Variants in ZNF577 observed in about 807,000 individuals in gnomAD.
ZNF577 encodes zinc finger protein 577.
In ZNF577, 14 loss-of-function variants were observed where a neutral mutation model predicts 13.9. The observed-to-expected ratio is 1.00, with a 90% confidence interval of 0.66 to 1.57. The LOEUF (loss-of-function observed/expected upper bound fraction) is 1.57, where lower values mean the gene tolerates loss of function less well. Among genes scored for constraint, ZNF577 ranks in the 40% most tolerant of loss-of-function variants. The pLI is 0.00. For missense variants in ZNF577, 555 were observed against 579.2 expected (o/e 0.96, Z 0.43); for synonymous variants, 203 against 202.9 (o/e 1.00, Z 0.00).
chr19:51,875,052 T>A (rs917045998), intron 5 of ZNF577, among the ~76,000 whole-genome samples: 1 of 151,950 alleles, frequency 6.6e-6, no homozygotes, highest in African/African-American at 2.4e-5. Flanking sequence ...TAGTGCAGCA[T>A]AGACACAAAG....
At position 51,872,709 on chromosome 19, in the gene ZNF577, G is replaced by A; in HGVS notation, c.1281C>T (p.Asn427=). The A allele has an allele frequency of 6.2e-7, 1 of 1,614,166 alleles. No homozygotes were observed. The highest frequency in any genetic ancestry group is 2.2e-5 in the East Asian group (1 of 44,892). Residue 427 remains asparagine, a synonymous_variant, in exon 6 of 6, where the codon AAC becomes AAT. Coordinates refer to ENST00000638348, the MANE Select transcript of ZNF577 (RefSeq NM_001370449.1). ...MPSSGTPPLL[N]KSERLVGRNV... is the part of the protein sequence containing the mutation. ...TTCTGCCCACTAGGCGCTCACTCTT[G>A]TTTAACAATGGCGGGGTTCCTGAGG...
At chr19:51,826,595 C>T (rs10853846) in intron 9 of ZNF577, among the ~76,000 whole-genome samples, 59,751 of 152,070 alleles carry the variant, frequency 0.39, 11,916 homozygotes, top group South Asian at 0.54. Context: ...AGTGGGTTCT[C>T]CCTGCCTGCT....
chr19:51,826,362 G>A (rs528457662), intron 9 of ZNF577, among the ~76,000 whole-genome samples: 10 of 152,224 alleles, frequency 6.6e-5, no homozygotes, highest in South Asian at 2.1e-4. Context: ...TTCTATCCTC[G>A]GGTATTATAT....
chr19:51,872,750 G>A lies in ZNF577; in HGVS notation c.1240C>T (p.Pro414Ser). ...GTTCCTGAGGAAGGCATTTCTATAGGTACTGTGTTCACAGTCTTTTGCTCT... is the reference window on the plus strand; with the variant it reads ...GTTCCTGAGGAAGGCATTTCTATAGATACTGTGTTCACAGTCTTTTGCTCT... ...IQEQKTVNTVPIEMPSSGTPP... is the reference protein window; with the variant it reads ...IQEQKTVNTVSIEMPSSGTPP... The change falls in exon 6 of 6, where the codon CCT becomes TCT. Residue 414 changes from proline to serine, a missense_variant. Physicochemically the swap from Pro to Ser is moderately conservative, Grantham distance 74. Coordinates refer to ENST00000638348, the MANE Select transcript of ZNF577 (RefSeq NM_001370449.1). 1.2e-6 allele frequency: 2 copies of A among 1,614,160 alleles called. No homozygotes were observed. The highest frequency in any genetic ancestry group is 1.7e-6 in the Non-Finnish European group (2 of 1,180,030).
chr19:51,841,184 C>T (rs2084318575), intron 8 of ZNF577, among the ~76,000 whole-genome samples: 1 of 152,174 alleles, frequency 6.6e-6, no homozygotes, highest in Non-Finnish European at 1.5e-5. Flanking sequence ...CCGCGGGAAT[C>T]GCCTCATCCT....
intron 5 of ZNF577, chr19:51,860,877 T>G: frequency 2.6e-6 from 1 of 388,858 alleles, no homozygotes; most frequent in East Asian, 1.0e-4. Flanking sequence ...ATTCAAAGAG[T>G]TTTGACTTTC....
chr19:51,833,007 A>G (rs1024178243), intron 9 of ZNF577, among the ~76,000 whole-genome samples: 3 of 152,168 alleles, frequency 2.0e-5, no homozygotes, highest in Non-Finnish European at 4.4e-5. Flanking sequence ...TTGCCTTTCG[A>G]TATAAATTTT....
intron 9 of ZNF577, among the ~76,000 whole-genome samples, chr19:51,812,907 G>A (rs942258950): frequency 1.3e-5 from 2 of 152,080 alleles, no homozygotes; most frequent in Non-Finnish European, 2.9e-5. Context: ...AATCACCTGA[G>A]GTTACAAGTT....
At chr19:51,860,367 A>G (rs2084483716) in intron 5 of ZNF577, 1 of 152,218 alleles carries the variant, frequency 6.6e-6, no homozygotes, top group African/African-American at 2.4e-5. Flanking sequence ...GACCAGAACC[A>G]TTGCTTTTAG....
intron 9 of ZNF577, among the ~76,000 whole-genome samples, chr19:51,815,703 T>C (rs931308699): frequency 6.6e-6 from 1 of 151,196 alleles, no homozygotes; most frequent in Non-Finnish European, 1.5e-5. Flanking sequence ...ACCCTGTTTG[T>C]ACAAAAAATT....
chr19:51,853,719 A>C (rs1473265207), intron 5 of ZNF577, among the ~76,000 whole-genome samples: 1 of 152,028 alleles, frequency 6.6e-6, no homozygotes, highest in Non-Finnish European at 1.5e-5. Context: ...CTTCCTTGAA[A>C]CTTTCATTGA....
intron 1 of ZNF577, among the ~76,000 whole-genome samples, chr19:51,882,595 A>G (rs1191815736): frequency 6.6e-6 from 1 of 152,084 alleles, no homozygotes; most frequent in Non-Finnish European, 1.5e-5. Flanking sequence ...CAGCCTGGGC[A>G]ACATACCAAG....
intron 9 of ZNF577, among the ~76,000 whole-genome samples, chr19:51,835,131 G>A (rs944948631): frequency 7.2e-5 from 11 of 151,920 alleles, no homozygotes; most frequent in African/African-American, 7.3e-5. Flanking sequence ...TTAAAGTTAT[G>A]TTAAGATATC....
chr19:51,820,126 G>A (rs1253760627), intron 9 of ZNF577, among the ~76,000 whole-genome samples: 1 of 152,212 alleles, frequency 6.6e-6, no homozygotes, highest in African/African-American at 2.4e-5. Flanking sequence ...TGGAATAGTA[G>A]AGGAAGTTGG....
chr19:51,873,475 T>C lies in ZNF577; in HGVS notation c.515A>G (p.Gln172Arg), dbSNP rs1285611731. The change falls in exon 6 of 6, where the codon CAG becomes CGG. Residue 172 changes from glutamine to arginine, a missense_variant. Coordinates refer to ENST00000638348, the MANE Select transcript of ZNF577 (RefSeq NM_001370449.1). ...VCGRAFSRKA[Q>R]LIQHQRTERG... ...TTCAGTTCTCTGATGTTGAATAAGC[T>C]GTGCTTTCCTGGAGAAGGCTCTCCC... 1.2e-6 allele frequency: 2 copies of C among 1,614,242 alleles called. No individual in the cohort carries two copies. The highest frequency in any genetic ancestry group is 2.2e-5 in the South Asian group (2 of 91,086).
At chr19:51,826,977 G>A (rs1599843759) in intron 9 of ZNF577, among the ~76,000 whole-genome samples, 1 of 152,114 alleles carries the variant, frequency 6.6e-6, no homozygotes, top group Non-Finnish European at 1.5e-5. Context: ...CTACAATAGA[G>A]GTGTTACCTA....
At chr19:51,822,349 T>C (rs2084196464) in intron 9 of ZNF577, among the ~76,000 whole-genome samples, 1 of 152,090 alleles carries the variant, frequency 6.6e-6, no homozygotes, top group South Asian at 2.1e-4. Context: ...CCCGCAAAGA[T>C]GGAGGAGGGA....
In ZNF577 at chr19:51,811,607, C is replaced by T. The variant is rs189920883; in HGVS notation, c.*667G>A. ...CAGACTGTCGCCTGTTTGAGTGCCA[C>T]TTGTAGAGCCCCTGATTCTGTCGCT... is the stretch of plus-strand genomic sequence containing the variant. On this transcript the variant is annotated 3_prime_UTR_variant and NMD_transcript_variant, in exon 10 of 11. Transcript: ENST00000638827. 3 of 152,356 alleles carry T rather than the reference C, an allele frequency of 2.0e-5. No individual in the cohort carries two copies. In the East Asian group the frequency reaches 5.8e-4, roughly 29 times the overall value. The allele number at this position is 152,356 out of a possible 1,614,324, so 9.4% of individuals were successfully genotyped here.
chr19:51,851,659 AAC>A (rs2122565032), intron 5 of ZNF577, among the ~76,000 whole-genome samples: 1 of 152,076 alleles, frequency 6.6e-6, no homozygotes, highest in South Asian at 2.1e-4. Context: ...CACAGACCCT[AAC>A]ACAGACTCTT....
Sources: gnomAD v4.1 joint callset for allele counts (sites outside exome capture counted in the v4.1 genomes callset) on GRCh38, gnomAD v4.1.1 for gene constraint, MANE v1.5 for transcripts, NCBI Gene and HGNC (gene_info 2026-07-23, HGNC 2026-07-21) for gene names.